The following SYNDIG1L variants were observed in gnomAD, a reference collection of about 807,000 sequenced individuals.
SYNDIG1L encodes the protein synapse differentiation-inducing gene protein 1-like.
In SYNDIG1L, 13 loss-of-function variants were observed where a neutral mutation model predicts 20.1. That is an observed-to-expected ratio of 0.65 (90% confidence interval 0.42 to 1.03). The LOEUF (loss-of-function observed/expected upper bound fraction) is 1.03. SYNDIG1L is among the 50% of genes least tolerant of loss of function. The pLI, the probability that SYNDIG1L is intolerant of heterozygous loss-of-function variation, is 0.00. For synonymous variants in SYNDIG1L, 128 were observed against 129.3 expected, an observed-to-expected ratio of 0.99 and a Z score of 0.07; for missense variants, 294 against 305.1, an observed-to-expected ratio of 0.96 and a Z score of 0.27.
chr14:74,478,798 C>G, the SYNDIG1L span, among the ~76,000 whole-genome samples: 1 of 152,306 alleles, frequency 6.6e-6, no homozygotes, highest in African/African-American at 2.4e-5. Flanking sequence ...CCCAGAGTGA[C>G]AGCTAACATT....
upstream of SYNDIG1L, among the ~76,000 whole-genome samples, chr14:74,428,799 G>A (rs769580302): frequency 6.6e-6 from 1 of 152,182 alleles, no homozygotes; most frequent in Non-Finnish European, 1.5e-5. Flanking sequence ...GAGAACTTGA[G>A]CAAGGCAGAG....
intron 1 of SYNDIG1L, among the ~76,000 whole-genome samples, chr14:74,419,901 C>T (rs973289633): frequency 3.1e-4 from 47 of 152,028 alleles, no homozygotes; most frequent in South Asian, 2.1e-4. Flanking sequence ...TGTTTGGTAG[C>T]GATGGAATGA....
At chr14:74,422,140 C>T (rs1317428918) in intron 1 of SYNDIG1L, among the ~76,000 whole-genome samples, 1 of 152,226 alleles carries the variant, frequency 6.6e-6, no homozygotes, top group Non-Finnish European at 1.5e-5. Flanking sequence ...GCAAACAGCA[C>T]ATCTAATGGC....
chr14:74,416,620 C>A (rs2086177110), intron 1 of SYNDIG1L, among the ~76,000 whole-genome samples: 1 of 152,024 alleles, frequency 6.6e-6, no homozygotes, highest in African/African-American at 2.4e-5. Context: ...GGCAACAGAG[C>A]AAGACTTTGT....
the SYNDIG1L span, among the ~76,000 whole-genome samples, chr14:74,436,765 G>A: frequency 1.4e-4 from 21 of 149,882 alleles, no homozygotes; most frequent in Non-Finnish European, 2.1e-4. Context: ...CAGGAAAATC[G>A]CTTGAACCTG....
the SYNDIG1L span, among the ~76,000 whole-genome samples, chr14:74,454,075 AT>A: frequency 2.6e-5 from 4 of 152,242 alleles, no homozygotes; most frequent in Non-Finnish European, 4.4e-5. Context: ...AATTAAGTAG[AT>A]TGTCCAAAGT....
At chr14:74,410,226 T>G (rs1040756575) in intron 1 of SYNDIG1L, among the ~76,000 whole-genome samples, 2 of 152,168 alleles carry the variant, frequency 1.3e-5, no homozygotes, top group Admixed American at 6.5e-5. Flanking sequence ...CAGGTGCATG[T>G]AAGCATGCAC....
the SYNDIG1L span, among the ~76,000 whole-genome samples, chr14:74,466,651 A>T: frequency 6.6e-6 from 1 of 152,220 alleles, no homozygotes; most frequent in South Asian, 2.1e-4. Flanking sequence ...GGAGGAAGGG[A>T]AGTGATGGCT....
chr14:74,451,731 C>T, the SYNDIG1L span, among the ~76,000 whole-genome samples: 5 of 152,152 alleles, frequency 3.3e-5, no homozygotes, highest in African/African-American at 1.2e-4. Context: ...GTGGCTCATG[C>T]CTGTAATCCC....
intron 1 of SYNDIG1L, among the ~76,000 whole-genome samples, chr14:74,423,864 ATGGTGGTGGTGG>A (rs762514753): frequency 6.8e-6 from 1 of 146,168 alleles, no homozygotes; most frequent in African/African-American, 2.5e-5. Context: ...CTCACAAGAG[ATGGTGGTGGTGG>A]TGGTGGTGGT....
the SYNDIG1L span, among the ~76,000 whole-genome samples, chr14:74,465,277 C>T: frequency 6.6e-6 from 1 of 152,206 alleles, no homozygotes; most frequent in African/African-American, 2.4e-5. Flanking sequence ...ACCTCTGATC[C>T]ACCTTTTTGA....
chr14:74,452,612 T>C, the SYNDIG1L span, among the ~76,000 whole-genome samples: 13 of 152,228 alleles, frequency 8.5e-5, no homozygotes, highest in African/African-American at 1.2e-4. Flanking sequence ...GTCTCGGGTA[T>C]GTCTTTATCA....
At chr14:74,417,642 G>GC (rs11452759) in intron 1 of SYNDIG1L, among the ~76,000 whole-genome samples, 80,161 of 152,032 alleles carry the variant, frequency 0.53, 21,556 homozygotes, top group African/African-American at 0.64. Flanking sequence ...TTAAACAGTG[G>GC]AGAGACTGGA....
At chr14:74,411,552 G>A (rs1195771628) in intron 1 of SYNDIG1L, among the ~76,000 whole-genome samples, 1 of 152,224 alleles carries the variant, frequency 6.6e-6, no homozygotes, top group African/African-American at 2.4e-5. Flanking sequence ...TCTGCCCCAA[G>A]AGAAATGTCT....
the SYNDIG1L span, among the ~76,000 whole-genome samples, chr14:74,431,943 G>A: frequency 6.6e-6 from 1 of 152,078 alleles, no homozygotes; most frequent in Non-Finnish European, 1.5e-5. Flanking sequence ...GCCTAATTCA[G>A]CTGGGTTAAG....
chr14:74,475,625 C>G, the SYNDIG1L span, among the ~76,000 whole-genome samples: 2 of 151,642 alleles, frequency 1.3e-5, no homozygotes, highest in Non-Finnish European at 2.9e-5. Flanking sequence ...CTGGGAGGGT[C>G]TGAGACTAAC....
At chr14:74,473,244 G>T in the SYNDIG1L span, among the ~76,000 whole-genome samples, 7 of 152,150 alleles carry the variant, frequency 4.6e-5, no homozygotes, top group Non-Finnish European at 1.0e-4. Context: ...AATTAGCAGG[G>T]TGTGGTGGCA....
chr14:74,453,441 A>C, the SYNDIG1L span, among the ~76,000 whole-genome samples: 1 of 150,892 alleles, frequency 6.6e-6, no homozygotes, highest in African/African-American at 2.4e-5. Context: ...GAGTAAAGCA[A>C]GGAACAGGGG....
At chr14:74,427,779 TAG>T (rs1234221252), upstream of SYNDIG1L, among the ~76,000 whole-genome samples, 1 of 151,854 alleles carries the variant, frequency 6.6e-6, no homozygotes, top group East Asian at 1.9e-4. Flanking sequence ...CAGACACACA[TAG>T]ACACACACAG....
Sources: allele counts gnomAD v4.1 joint callset (sites outside exome capture counted in the v4.1 genomes callset), GRCh38; gene constraint gnomAD v4.1.1; transcripts MANE v1.5; gene names NCBI Gene and HGNC (gene_info 2026-07-23, HGNC 2026-07-21).